The following AGBL4 variants were observed in gnomAD, a reference collection of about 807,000 sequenced individuals.
AGBL4 encodes cytosolic carboxypeptidase 6.
A neutral mutation model predicts 66.4 loss-of-function variants in AGBL4; 58 were observed. The observed-to-expected ratio is 0.87, with a 90% CI of 0.71 to 1.09. The LOEUF is 1.09. AGBL4 is among the 50% of genes least tolerant of loss of function. The pLI, the probability that AGBL4 is intolerant of heterozygous loss-of-function variation, is 0.00. For missense variants in AGBL4, 579 were observed against 631.0 expected, an observed-to-expected ratio of 0.92 and a Z score of 0.88; for synonymous variants, 234 against 222.9, an observed-to-expected ratio of 1.05 and a Z score of -0.44.
intron 6 of AGBL4, among the ~76,000 whole-genome samples, chr1:48,805,061 C>T (rs1292672975): frequency 6.6e-6 from 1 of 152,084 alleles, no homozygotes; most frequent in African/African-American, 2.4e-5. Context: ...TTCATCTGTT[C>T]AGCAAATCTC....
chr1:49,366,973 G>A (rs1002683997), intron 3 of AGBL4, among the ~76,000 whole-genome samples: 1 of 152,172 alleles, frequency 6.6e-6, no homozygotes, highest in Non-Finnish European at 1.5e-5. Context: ...AGACAAGCTA[G>A]GTGAGGCACA....
intron 5 of AGBL4, among the ~76,000 whole-genome samples, chr1:48,957,998 TTTTG>T (rs1203140140): frequency 2.6e-5 from 4 of 151,988 alleles, no homozygotes; most frequent in Non-Finnish European, 5.9e-5. Context: ...CTTGTTTTTT[TTTTG>T]TTTGTTTGTT....
intron 3 of AGBL4, among the ~76,000 whole-genome samples, chr1:49,399,557 T>G (rs1347593089): frequency 6.6e-6 from 1 of 152,286 alleles, no homozygotes; most frequent in East Asian, 1.9e-4. Context: ...TGAGGTGATA[T>G]CTCATTGTAG....
chr1:48,950,398 G>A (rs572945131), intron 5 of AGBL4, among the ~76,000 whole-genome samples: 4 of 152,268 alleles, frequency 2.6e-5, no homozygotes, highest in East Asian at 3.9e-4. Flanking sequence ...GCACCTGGCC[G>A]ACCTCATTTT....
intron 2 of AGBL4, among the ~76,000 whole-genome samples, chr1:49,843,774 A>T (rs961513378): frequency 6.6e-6 from 1 of 152,012 alleles, no homozygotes; most frequent in African/African-American, 2.4e-5. Flanking sequence ...CCTTTTTTTT[A>T]AAAATTGAAC....
At chr1:49,948,092 GTATATGTA>G (rs1557608321) in intron 1 of AGBL4, among the ~76,000 whole-genome samples, 17 of 78,594 alleles carry the variant, frequency 2.2e-4, no homozygotes, top group African/African-American at 8.2e-4. Context: ...GTAAATATAT[GTATATGTA>G]TATATATGTA....
chr1:48,628,443 A>AT (rs138841443), intron 9 of AGBL4, among the ~76,000 whole-genome samples: 4,476 of 150,558 alleles, frequency 0.03, 195 homozygotes, highest in African/African-American at 0.1. Context: ...CCTTGCTTTG[A>AT]TTTTTTTTTT....
intron 3 of AGBL4, among the ~76,000 whole-genome samples, chr1:49,409,149 G>GCTCTCTCCCT (rs1553197345): frequency 6.9e-6 from 1 of 145,976 alleles, no homozygotes; most frequent in Non-Finnish European, 1.5e-5. Context: ...ACTCTCTCTG[G>GCTCTCTCCCT]CTCTCTCTCT....
At chr1:49,436,929 T>G (rs1167266) in intron 3 of AGBL4, among the ~76,000 whole-genome samples, 11,156 of 152,044 alleles carry the variant, frequency 0.073, 1,285 homozygotes, top group African/African-American at 0.24. Flanking sequence ...AGAAAAAAAA[T>G]TATTAATCCA....
intron 3 of AGBL4, among the ~76,000 whole-genome samples, chr1:49,287,537 T>G (rs1644442797): frequency 6.6e-6 from 1 of 151,406 alleles, no homozygotes; most frequent in Non-Finnish European, 1.5e-5. Flanking sequence ...AACAACCCCA[T>G]CAAAAAGTGG....
chr1:49,730,598 T>C (rs1449627313), intron 2 of AGBL4, among the ~76,000 whole-genome samples: 1 of 152,080 alleles, frequency 6.6e-6, no homozygotes, highest in African/African-American at 2.4e-5. Context: ...ATCTCTGAGT[T>C]TTCAGGTGCT....
In AGBL4 at chr1:49,491,639, CCTT is replaced by C. The variant is rs959507984; in HGVS notation, c.282+205671_282+205673del. Among the ~76,000 whole-genome samples, 2 of 151,880 alleles carry C rather than the reference CCTT, an allele frequency of 1.3e-5. 1 individual carries two copies. ...AAAGTTTAATGAAATACTGGTGAAA[CCTT>C]CTCAGAAAAGGCTGGCTTAATCAAG... is the stretch of plus-strand genomic sequence containing the variant. On this transcript the variant is annotated intron_variant, in intron 3 of 13. Coordinates refer to ENST00000371839, the MANE Select transcript of AGBL4 (RefSeq NM_032785.4).
intron 1 of AGBL4, among the ~76,000 whole-genome samples, chr1:50,007,223 G>A (rs767998277): frequency 3.3e-5 from 5 of 151,914 alleles, no homozygotes; most frequent in South Asian, 2.1e-4. Context: ...ACTATATGAC[G>A]TACACAAAAA....
At chr1:49,637,310 A>AT (rs1055196695) in intron 3 of AGBL4, among the ~76,000 whole-genome samples, 11 of 151,590 alleles carry the variant, frequency 7.3e-5, no homozygotes, top group South Asian at 2.1e-4. Context: ...TTTTATTTTT[A>AT]TTTTTTTTGA....
chr1:48,926,571 G>A (rs1030953508), intron 5 of AGBL4, among the ~76,000 whole-genome samples: 2 of 152,098 alleles, frequency 1.3e-5, no homozygotes, highest in African/African-American at 2.4e-5. Flanking sequence ...TTACAGGTAT[G>A]AGGCGTCACA....
chr1:49,235,700 C>T (rs1261241211), intron 4 of AGBL4, among the ~76,000 whole-genome samples: 1 of 152,126 alleles, frequency 6.6e-6, no homozygotes, highest in Non-Finnish European at 1.5e-5. Flanking sequence ...AAAGCACATC[C>T]ATTCTAGTGG....
chr1:48,539,532 C>G, intron 12 of AGBL4, 110 bp downstream of exon 12: 1 of 817,844 alleles, frequency 1.2e-6, no homozygotes, highest in African/African-American at 1.8e-5. Flanking sequence ...ATTATCTTTC[C>G]TGCGGCACAG....
intron 3 of AGBL4, among the ~76,000 whole-genome samples, chr1:49,589,876 T>C (rs984799793): frequency 2.0e-5 from 3 of 152,092 alleles, no homozygotes; most frequent in Non-Finnish European, 4.4e-5. Flanking sequence ...TATTTTTCTT[T>C]ATCTTGTGAC....
chr1:49,187,224 T>C (rs1647032042), intron 4 of AGBL4: 2 of 152,134 alleles, frequency 1.3e-5, no homozygotes, highest in Non-Finnish European at 2.9e-5. Flanking sequence ...AATATGCCTC[T>C]CTCTTGTTTC....
Sources: allele counts gnomAD v4.1 joint callset (sites outside exome capture counted in the v4.1 genomes callset), GRCh38; gene constraint gnomAD v4.1.1; transcripts MANE v1.5; gene names NCBI Gene and HGNC (gene_info 2026-07-23, HGNC 2026-07-21).